Variants in SYT17 observed in about 807,000 individuals in gnomAD.
SYT17 encodes the protein synaptotagmin 17.
In SYT17, 22 loss-of-function variants were observed where a neutral mutation model predicts 46.7. The ratio of observed to expected loss-of-function variants is 0.47; its 90% confidence interval spans 0.34 to 0.67. The LOEUF (loss-of-function observed/expected upper bound fraction) is 0.67, where lower values mean the gene tolerates loss of function less well. Among genes scored for constraint, SYT17 ranks in the 30% least tolerant of loss-of-function variants. SYT17 has a pLI of 0.01. For missense variants in SYT17, 519 were observed against 612.8 expected (o/e 0.85, Z 1.62); for synonymous variants, 251 against 248.4 (o/e 1.01, Z -0.10).
chr16:19,193,372 G>T (rs565674497), intron 5 of SYT17, among the ~76,000 whole-genome samples: 1 of 152,344 alleles, frequency 6.6e-6, no homozygotes, highest in South Asian at 2.1e-4. Flanking sequence ...TTTGGGCCTA[G>T]AAGAAGAAAA....
intron 3 of SYT17, among the ~76,000 whole-genome samples, chr16:19,176,345 C>T (rs1964313351): frequency 6.6e-6 from 1 of 152,216 alleles, no homozygotes; most frequent in Admixed American, 6.5e-5. Flanking sequence ...GTGCTAGAAT[C>T]ATGCCAGTTA....
chr16:19,266,953 C>G lies in SYT17; in HGVS notation c.1302C>G (p.Pro434=). 1.2e-6 allele frequency: 2 copies of G among 1,613,900 alleles called. No homozygotes were observed. Among genetic ancestry groups the G allele is most frequent in the Non-Finnish European group, 1.7e-6 (2 of 1,179,988 alleles). Residue 434 remains proline (P), a synonymous_variant, in exon 8 of 8, where the codon CCC becomes CCG. Coordinates refer to ENST00000355377, the MANE Select transcript of SYT17 (RefSeq NM_016524.4). The part of the protein sequence containing the change: ...RIVIGQYSSG[P]SETNHWRRML... The stretch of plus-strand genomic sequence containing the variant: ...TCATTGGCCAGTACTCTTCAGGCCC[C>G]TCTGAGACCAACCACTGGAGGCGCA...
intron 7 of SYT17, among the ~76,000 whole-genome samples, chr16:19,263,106 T>C (rs1969103355): frequency 6.6e-6 from 1 of 151,502 alleles, no homozygotes; most frequent in African/African-American, 2.4e-5. Flanking sequence ...AACTTAAAAC[T>C]CACCCTTTTG....
chr16:19,222,715 T>A (rs529214712), intron 5 of SYT17, among the ~76,000 whole-genome samples: 1 of 152,314 alleles, frequency 6.6e-6, no homozygotes, highest in African/African-American at 2.4e-5. Context: ...TTAAACAGAG[T>A]TAATACTAAT....
chr16:19,175,926 G>A (rs117370700), intron 3 of SYT17, among the ~76,000 whole-genome samples: 1 of 152,190 alleles, frequency 6.6e-6, no homozygotes, highest in Non-Finnish European at 1.5e-5. Context: ...TATACACAGG[G>A]CTAGATAGGG....
At chr16:19,229,195 G>C (rs1384413213) in intron 7 of SYT17, among the ~76,000 whole-genome samples, 1 of 152,194 alleles carries the variant, frequency 6.6e-6, no homozygotes, top group Non-Finnish European at 1.5e-5. Flanking sequence ...AAGAAGGAAA[G>C]AAAGCGTATT....
intron 7 of SYT17, among the ~76,000 whole-genome samples, chr16:19,231,798 G>C (rs75194498): frequency 0.032 from 4,897 of 152,218 alleles, 85 homozygotes; most frequent in South Asian, 0.071. Context: ...TTATGTATTC[G>C]ACAGAGAACC....
At chr16:19,195,389 A>G (rs544449515) in intron 5 of SYT17, among the ~76,000 whole-genome samples, 14 of 150,152 alleles carry the variant, frequency 9.3e-5, no homozygotes, top group Non-Finnish European at 1.8e-4. Context: ...TCAAAACAAA[A>G]CAAAACAAAC....
Position 19,206,799 on chromosome 16 carries a change from T to C in SYT17, c.952-16246T>C, listed in dbSNP as rs146771505. Reference sequence around the variant, plus strand: ...TTCATAAATCCAGTCCTATGGGATATAGGGCCCACCCTACTCCTGTACGAC... The same window carrying C: ...TTCATAAATCCAGTCCTATGGGATACAGGGCCCACCCTACTCCTGTACGAC... On this transcript the variant is annotated intron_variant, in intron 5 of 7. Transcript: ENST00000355377. 3.3e-5 allele frequency among the ~76,000 whole-genome samples: 5 copies of C among 152,318 alleles called. No homozygotes were observed. The East Asian group carries it at 9.6e-4, about 29-fold the overall frequency.
intron 5 of SYT17, among the ~76,000 whole-genome samples, chr16:19,199,869 G>A (rs767141524): frequency 1.6e-4 from 25 of 152,250 alleles, no homozygotes; most frequent in East Asian, 3.8e-4. Flanking sequence ...AGGAAATGAC[G>A]AATAAGATGA....
chr16:19,189,268 A>G (rs1478423513), intron 5 of SYT17, among the ~76,000 whole-genome samples: 2 of 151,750 alleles, frequency 1.3e-5, no homozygotes, highest in Non-Finnish European at 2.9e-5. Flanking sequence ...TTAAATAACG[A>G]CATATACAAT....
chr16:19,219,653 A>T (rs560546901), intron 5 of SYT17, among the ~76,000 whole-genome samples: 1 of 152,248 alleles, frequency 6.6e-6, no homozygotes, highest in South Asian at 2.1e-4. Context: ...ATCACCCAAG[A>T]AATGTTCTTC....
At chr16:19,172,376 G>T (rs1964130509) in intron 1 of SYT17, 1 of 1,399,188 alleles carries the variant, frequency 7.1e-7, no homozygotes, top group Non-Finnish European at 9.2e-7. Context: ...TGTCCTTTTG[G>T]GTTGGCTACA....
intron 3 of SYT17, among the ~76,000 whole-genome samples, chr16:19,179,067 T>TA (rs151219947): frequency 0.19 from 28,247 of 151,670 alleles, 2,843 homozygotes; most frequent in African/African-American, 0.23. Flanking sequence ...GATCAATCAA[T>TA]AAAAAATGTT....
chr16:19,169,579 C>T (rs909778359), intron 1 of SYT17, among the ~76,000 whole-genome samples: 1 of 152,258 alleles, frequency 6.6e-6, no homozygotes. Context: ...CCATTCCCCT[C>T]TGGGTCACAT....
chr16:19,264,590 C>T (rs1208494184), intron 7 of SYT17, among the ~76,000 whole-genome samples: 1 of 116,424 alleles, frequency 8.6e-6, no homozygotes, highest in African/African-American at 4.0e-5. Context: ...CTGAGATTTC[C>T]CCCACCTTTT....
intron 5 of SYT17, among the ~76,000 whole-genome samples, chr16:19,216,085 G>A (rs1275374356): frequency 6.6e-6 from 1 of 152,004 alleles, no homozygotes; most frequent in Non-Finnish European, 1.5e-5. Flanking sequence ...ATTTGAGCGG[G>A]AACACATCCA....
chr16:19,185,715 C>T (rs1964759776), intron 5 of SYT17, among the ~76,000 whole-genome samples: 1 of 152,194 alleles, frequency 6.6e-6, no homozygotes, highest in African/African-American at 2.4e-5. Flanking sequence ...TGTTGCTGGG[C>T]CCCTGTGCTC....
At chr16:19,191,071 C>A (rs777660219) in intron 5 of SYT17, among the ~76,000 whole-genome samples, 2 of 151,826 alleles carry the variant, frequency 1.3e-5, no homozygotes, top group African/African-American at 2.4e-5. Flanking sequence ...CGTGGCCATG[C>A]GGGAACCTTT....
Sources: allele counts gnomAD v4.1 joint callset (sites outside exome capture counted in the v4.1 genomes callset), GRCh38; gene constraint gnomAD v4.1.1; transcripts MANE v1.5; gene names NCBI Gene and HGNC (gene_info 2026-07-23, HGNC 2026-07-21).